Variants in ASIC2 observed in about 807,000 individuals in gnomAD.
ASIC2 encodes acid-sensing ion channel 2.
A neutral mutation model predicts 57.3 loss-of-function variants in ASIC2; 25 were observed. The observed-to-expected ratio is 0.44, with a 90% CI of 0.32 to 0.61. The LOEUF is 0.61. Ranked by LOEUF, ASIC2 falls within the 20% of genes least tolerant of loss-of-function variation. The pLI is 0.06. For synonymous variants in ASIC2, 319 were observed against 307.5 expected (o/e 1.04, Z -0.39); for missense variants, 641 against 738.1 (o/e 0.87, Z 1.52).
At chr17:33,229,549 G>A (rs1908013616) in intron 1 of ASIC2, among the ~76,000 whole-genome samples, 1 of 152,186 alleles carries the variant, frequency 6.6e-6, no homozygotes, top group African/African-American at 2.4e-5. Context: ...GACCTTGAAA[G>A]GCAGATGTGT....
At chr17:34,009,076 C>CA (rs1906624837) in intron 1 of ASIC2, among the ~76,000 whole-genome samples, 1 of 147,084 alleles carries the variant, frequency 6.8e-6, no homozygotes, top group Non-Finnish European at 1.5e-5. Context: ...CACAGTCCAC[C>CA]TTTTTTTTTT....
chr17:33,957,849 C>G (rs919779477), intron 1 of ASIC2, among the ~76,000 whole-genome samples: 7 of 152,154 alleles, frequency 4.6e-5, no homozygotes, highest in Non-Finnish European at 1.0e-4. Flanking sequence ...GTCCACAGTC[C>G]AAAGTCTCAT....
At chr17:33,721,352 A>T (rs537264656) in intron 1 of ASIC2, among the ~76,000 whole-genome samples, 1 of 152,294 alleles carries the variant, frequency 6.6e-6, no homozygotes, top group African/African-American at 2.4e-5. Context: ...TGAAGGCATG[A>T]CCATCTGCCT....
rs187177891 is a variant in ASIC2 at position 33,178,404 on chromosome 17, T to C, written c.709-66337A>G. ...TGTGAAATTTGGAGTGAAGTCATGC[T>C]CTTTAGGGATAATGTAAAGTCTTGG... On this transcript the variant is annotated intron_variant, in intron 1 of 9. Coordinates refer to ENST00000225823, the MANE Select transcript of ASIC2 (RefSeq NM_183377.2). Among the ~76,000 whole-genome samples the C allele has an allele frequency of 2.0e-5, 3 of 152,336 alleles. No individual in the cohort carries two copies. In the East Asian group the frequency reaches 5.8e-4, roughly 29 times the overall value.
intron 1 of ASIC2, among the ~76,000 whole-genome samples, chr17:34,096,934 C>T (rs1368939677): frequency 1.3e-5 from 2 of 149,678 alleles, no homozygotes; most frequent in Non-Finnish European, 3.0e-5. Context: ...TGGTGGCCTC[C>T]AACAGGGTAG....
At chr17:33,212,751 C>G (rs958846799) in intron 1 of ASIC2, among the ~76,000 whole-genome samples, 3 of 152,168 alleles carry the variant, frequency 2.0e-5, no homozygotes, top group African/African-American at 7.2e-5. Flanking sequence ...CTGCTCCCTC[C>G]CCTTTCCCTT....
chr17:33,464,645 T>C (rs1391361469), intron 1 of ASIC2, among the ~76,000 whole-genome samples: 3 of 139,230 alleles, frequency 2.2e-5, no homozygotes, highest in Non-Finnish European at 4.6e-5. Flanking sequence ...TTTTTATTTC[T>C]TCCTTTCTTC....
intron 1 of ASIC2, among the ~76,000 whole-genome samples, chr17:33,582,420 G>A (rs951032169): frequency 6.6e-6 from 1 of 152,196 alleles, no homozygotes; most frequent in Non-Finnish European, 1.5e-5. Flanking sequence ...TCAACCGAGA[G>A]GCAAGGGTGC....
At chr17:33,783,933 C>A (rs1035030378) in intron 1 of ASIC2, among the ~76,000 whole-genome samples, 1 of 152,200 alleles carries the variant, frequency 6.6e-6, no homozygotes, top group Non-Finnish European at 1.5e-5. Context: ...TACGCCATAC[C>A]GTCTCCAGAG....
At chr17:33,209,755 T>A (rs1366309710) in intron 1 of ASIC2, among the ~76,000 whole-genome samples, 1 of 152,214 alleles carries the variant, frequency 6.6e-6, no homozygotes, top group Non-Finnish European at 1.5e-5. Flanking sequence ...GAGTGAATAG[T>A]GAATGAATAA....
intron 1 of ASIC2, among the ~76,000 whole-genome samples, chr17:33,318,727 G>T (rs1214975512): frequency 2.0e-5 from 3 of 152,200 alleles, no homozygotes; most frequent in Non-Finnish European, 4.4e-5. Flanking sequence ...GGTCGTGTGT[G>T]TAAGGCACCC....
intron 1 of ASIC2, among the ~76,000 whole-genome samples, chr17:33,329,065 G>T (rs1244254441): frequency 1.3e-5 from 2 of 150,864 alleles, no homozygotes; most frequent in Non-Finnish European, 3.0e-5. Flanking sequence ...CAGGAAAAAA[G>T]CTCAGAATTC....
At chr17:33,907,547 C>T (rs1334716614) in intron 1 of ASIC2, among the ~76,000 whole-genome samples, 1 of 152,178 alleles carries the variant, frequency 6.6e-6, no homozygotes, top group African/African-American at 2.4e-5. Flanking sequence ...TCCCTTTGGT[C>T]TCACTTGTCC....
chr17:33,465,980 T>C (rs1306939121), intron 1 of ASIC2, among the ~76,000 whole-genome samples: 1 of 152,196 alleles, frequency 6.6e-6, no homozygotes, highest in East Asian at 1.9e-4. Context: ...TAGTCAGACT[T>C]AGAAAAGAAC....
chr17:33,067,020 G>C (rs2141945638), intron 3 of ASIC2, among the ~76,000 whole-genome samples: 1 of 152,324 alleles, frequency 6.6e-6, no homozygotes, highest in East Asian at 1.9e-4. Context: ...TAGTTACCAA[G>C]CAGGCCTGAA....
intron 1 of ASIC2, among the ~76,000 whole-genome samples, chr17:33,963,492 A>G (rs1597951947): frequency 6.6e-6 from 1 of 152,348 alleles, no homozygotes; most frequent in Non-Finnish European, 1.5e-5. Flanking sequence ...CAGATGAGAA[A>G]ACTGAAGCTC....
chr17:33,643,110 T>A (rs988173353), intron 1 of ASIC2, among the ~76,000 whole-genome samples: 1 of 151,926 alleles, frequency 6.6e-6, no homozygotes, highest in Non-Finnish European at 1.5e-5. Flanking sequence ...AGCGCATTTA[T>A]GCATACGATG....
At chr17:33,769,117 G>A (rs1458350573) in intron 1 of ASIC2, among the ~76,000 whole-genome samples, 1 of 152,200 alleles carries the variant, frequency 6.6e-6, no homozygotes. Flanking sequence ...CTGTCACACT[G>A]GCCCTTTGCC....
At chr17:33,966,970 T>A (rs1379211958) in intron 1 of ASIC2, among the ~76,000 whole-genome samples, 1 of 152,136 alleles carries the variant, frequency 6.6e-6, no homozygotes, top group African/African-American at 2.4e-5. Flanking sequence ...GTTTCTAGTG[T>A]CCTGTTTTAT....
Sources: allele counts gnomAD v4.1 joint callset (sites outside exome capture counted in the v4.1 genomes callset), GRCh38; gene constraint gnomAD v4.1.1; transcripts MANE v1.5; gene names NCBI Gene and HGNC (gene_info 2026-07-23, HGNC 2026-07-21).